ERICH1: variants seen among roughly 807,000 people sequenced by gnomAD.
The protein encoded by ERICH1 is glutamate rich 1.
Under a neutral mutation model 39.6 loss-of-function variants are expected in ERICH1, and 56 were observed. The ratio of observed to expected loss-of-function variants is 1.41; its 90% CI spans 1.14 to 1.77. ERICH1 has a LOEUF of 1.77. Among genes scored for constraint, ERICH1 ranks in the 40% most tolerant of loss-of-function variants. The pLI is 0.00. For missense variants in ERICH1, 826 were observed against 575.4 expected (o/e 1.44, Z -4.45); for synonymous variants, 313 against 223.6 (o/e 1.40, Z -3.57).
intron 3 of ERICH1, among the ~76,000 whole-genome samples, chr8:654,567 G>A (rs777508241): frequency 3.3e-5 from 5 of 152,144 alleles, no homozygotes; most frequent in Non-Finnish European, 7.3e-5. Flanking sequence ...ATTGACTACA[G>A]TTTTAAATAA....
intron 2 of ERICH1, among the ~76,000 whole-genome samples, chr8:703,365 G>C (rs187491137): frequency 6.6e-6 from 1 of 152,156 alleles, no homozygotes; most frequent in Non-Finnish European, 1.5e-5. Flanking sequence ...GTGTTGGAAA[G>C]TGAAAAGTAG....
intron 3 of ERICH1, among the ~76,000 whole-genome samples, chr8:680,105 A>G (rs1178760083): frequency 2.6e-4 from 22 of 84,704 alleles, no homozygotes; most frequent in Non-Finnish European, 3.6e-4. Flanking sequence ...GTGAACACAG[A>G]AAGTCCAAGA....
At chr8:660,969 C>T (rs181932915), downstream of ERICH1, among the ~76,000 whole-genome samples, 7 of 152,296 alleles carry the variant, frequency 4.6e-5, no homozygotes, top group African/African-American at 1.7e-4. Context: ...CCTGCTCCTC[C>T]GCCAGGCACT....
At chr8:627,053 A>G (rs771847993) in intron 3 of ERICH1, 1 of 450,444 alleles carries the variant, frequency 2.2e-6, no homozygotes, top group Admixed American at 2.4e-5. Flanking sequence ...TCGGAGGGCC[A>G]GGCTTCCGTG....
intron 3 of ERICH1, among the ~76,000 whole-genome samples, chr8:679,783 G>C (rs1805705708): frequency 6.6e-6 from 1 of 152,218 alleles, no homozygotes; most frequent in Non-Finnish European, 1.5e-5. Flanking sequence ...GCTCCAGGCA[G>C]GGCACCAGGG....
chr8:711,683 G>C (rs192741314), intron 2 of ERICH1, among the ~76,000 whole-genome samples: 5 of 152,220 alleles, frequency 3.3e-5, no homozygotes, highest in African/African-American at 1.2e-4. Context: ...ATTTTTATTA[G>C]AGACAGGGTT....
intron 3 of ERICH1, among the ~76,000 whole-genome samples, chr8:618,836 C>A (rs551853193): frequency 1.3e-5 from 2 of 152,044 alleles, no homozygotes; most frequent in African/African-American, 2.4e-5. Flanking sequence ...AACGCCTGAC[C>A]GAGTTGGAGA....
At chr8:657,778 G>A (rs1479609207) in intron 3 of ERICH1, among the ~76,000 whole-genome samples, 4 of 152,054 alleles carry the variant, frequency 2.6e-5, no homozygotes, top group Non-Finnish European at 5.9e-5. Context: ...GTAATGTGCA[G>A]GAATTCCTTG....
chr8:718,122 T>C (rs542493182), intron 1 of ERICH1, among the ~76,000 whole-genome samples: 1 of 138,584 alleles, frequency 7.2e-6, no homozygotes, highest in Non-Finnish European at 1.6e-5. Flanking sequence ...ACTGACAAAC[T>C]GCACAACACA....
At chr8:649,773 C>A (rs7013206) in intron 3 of ERICH1, among the ~76,000 whole-genome samples, 76,029 of 152,060 alleles carry the variant, frequency 0.5, 19,215 homozygotes, top group Non-Finnish European at 0.56. Context: ...CATCCATCCA[C>A]GTGGAGACAG....
intron 3 of ERICH1, among the ~76,000 whole-genome samples, chr8:654,624 C>T (rs918458577): frequency 2.0e-5 from 3 of 152,152 alleles, no homozygotes; most frequent in African/African-American, 7.2e-5. Context: ...AAGACACACA[C>T]TGAAGGGAAA....
chr8:656,538 C>T (rs1800686777), intron 3 of ERICH1, among the ~76,000 whole-genome samples: 1 of 152,204 alleles, frequency 6.6e-6, no homozygotes, highest in South Asian at 2.1e-4. Flanking sequence ...GGACCATGCA[C>T]CATGGATTAC....
intron 1 of ERICH1, among the ~76,000 whole-genome samples, chr8:723,044 T>C (rs564185532): frequency 1.3e-5 from 2 of 152,340 alleles, no homozygotes; most frequent in East Asian, 1.9e-4. Flanking sequence ...GTCTGGGCCA[T>C]GGGGCAGATC....
At chr8:629,019 G>A (rs1202886229) in intron 3 of ERICH1, among the ~76,000 whole-genome samples, 1 of 152,120 alleles carries the variant, frequency 6.6e-6, no homozygotes, top group African/African-American at 2.4e-5. Context: ...TGTTCAGAAG[G>A]GCTCTCGGGG....
chr8:709,762 A>G (rs980264791), intron 2 of ERICH1, among the ~76,000 whole-genome samples: 4 of 152,138 alleles, frequency 2.6e-5, no homozygotes, highest in African/African-American at 7.2e-5. Context: ...AAGAAAATAT[A>G]TATCTTCTAG....
At chr8:658,557 G>C (rs1041885178) in intron 3 of ERICH1, among the ~76,000 whole-genome samples, 1 of 152,184 alleles carries the variant, frequency 6.6e-6, no homozygotes, top group East Asian at 1.9e-4. Context: ...GTCATGGGCT[G>C]AACTATCCGC....
At chr8:682,519 C>G (rs1475988074) in intron 3 of ERICH1, among the ~76,000 whole-genome samples, 1 of 152,206 alleles carries the variant, frequency 6.6e-6, no homozygotes, top group Non-Finnish European at 1.5e-5. Context: ...TCCAGAATGT[C>G]CACATCTCCA....
chr8:731,172 G>C lies in ERICH1; in HGVS notation c.-11C>G. The C allele has an allele frequency of 6.6e-7, 1 of 1,505,394 alleles. No homozygotes were observed. The highest frequency in any genetic ancestry group is 8.9e-7 in the Non-Finnish European group (1 of 1,129,220). The allele number at this position is 1,505,394 out of a possible 1,614,324, so 93.3% of individuals were successfully genotyped here. Reference sequence around the variant, plus strand: ...CCTGTGCGCCGCCATGCGGGACCCTGCCGCGGACCTCAGACCACGGCGCGC... The same window carrying C: ...CCTGTGCGCCGCCATGCGGGACCCTCCCGCGGACCTCAGACCACGGCGCGC... On this transcript the variant is annotated 5_prime_UTR_variant, in exon 1 of 6. Transcript: ENST00000262109.
At chr8:667,211 C>T (rs1314909880) in intron 5 of ERICH1, 1 of 152,846 alleles carries the variant, frequency 6.5e-6, no homozygotes, top group African/African-American at 2.4e-5. Context: ...CTGAGACTCA[C>T]TCAATGCCTC....
Sources: gnomAD v4.1 joint callset for allele counts (sites outside exome capture counted in the v4.1 genomes callset) on GRCh38, gnomAD v4.1.1 for gene constraint, MANE v1.5 for transcripts, NCBI Gene and HGNC (gene_info 2026-07-23, HGNC 2026-07-21) for gene names.